ANTXR2: variants seen among roughly 807,000 people sequenced by gnomAD.
ANTXR2 encodes the protein ANTXR cell adhesion molecule 2.
Under a neutral mutation model 73.7 loss-of-function variants are expected in ANTXR2, and 44 were observed. That is an observed-to-expected ratio of 0.60 (90% CI 0.47 to 0.77). ANTXR2 has a LOEUF of 0.77. Among genes scored for constraint, ANTXR2 ranks in the 30% least tolerant of loss-of-function variants. The pLI, the probability that ANTXR2 is intolerant of heterozygous loss-of-function variation, is 0.00. For missense variants in ANTXR2, 604 were observed against 592.5 expected (o/e 1.02, Z -0.20); for synonymous variants, 217 against 205.9 (o/e 1.05, Z -0.46).
chr4:79,973,000 A>C (rs1347459538), intron 16 of ANTXR2, among the ~76,000 whole-genome samples: 1 of 151,982 alleles, frequency 6.6e-6, no homozygotes, highest in Non-Finnish European at 1.5e-5. Context: ...TAACATATAA[A>C]AATGTATAAA....
At chr4:79,957,584 G>A (rs982061867) in intron 16 of ANTXR2, among the ~76,000 whole-genome samples, 3 of 152,132 alleles carry the variant, frequency 2.0e-5, no homozygotes, top group Middle Eastern at 3.4e-3. Flanking sequence ...AAATAATTCA[G>A]TGTGCTCTAT....
At chr4:79,946,399 G>A (rs1728513730) in intron 16 of ANTXR2, among the ~76,000 whole-genome samples, 1 of 152,188 alleles carries the variant, frequency 6.6e-6, no homozygotes, top group African/African-American at 2.4e-5. Flanking sequence ...AATTTGGACT[G>A]TGTCACATTG....
At chr4:80,048,004 A>G (rs1258064066) in intron 7 of ANTXR2, among the ~76,000 whole-genome samples, 1 of 151,834 alleles carries the variant, frequency 6.6e-6, no homozygotes, top group African/African-American at 2.4e-5. Context: ...ATCAGGGGTT[A>G]ATTATCTAAT....
chr4:80,031,569 T>G, intron 10 of ANTXR2, 54 bp downstream of exon 10: 1 of 1,283,098 alleles, frequency 7.8e-7, no homozygotes, highest in Non-Finnish European at 1.0e-6. Context: ...GTCACCATTT[T>G]CTAATAATTT....
At chr4:79,979,261 C>T (rs1322126193) in intron 14 of ANTXR2, among the ~76,000 whole-genome samples, 1 of 152,008 alleles carries the variant, frequency 6.6e-6, no homozygotes, top group Non-Finnish European at 1.5e-5. Flanking sequence ...AGAGCTTGTC[C>T]AACCAGGAGT....
At chr4:80,024,167 G>C (rs147216966) in intron 10 of ANTXR2, among the ~76,000 whole-genome samples, 2 of 152,176 alleles carry the variant, frequency 1.3e-5, no homozygotes, top group East Asian at 3.9e-4. Flanking sequence ...AGGAGGTGAG[G>C]AAGAAGAAAA....
intron 7 of ANTXR2, among the ~76,000 whole-genome samples, chr4:80,041,901 C>T (rs1298586466): frequency 6.6e-6 from 1 of 151,962 alleles, no homozygotes; most frequent in African/African-American, 2.4e-5. Flanking sequence ...CATGCCTTTG[C>T]TATTGTGAAT....
Position 80,007,075 on chromosome 4 carries a change from T to C in ANTXR2, c.1041+1446A>G, listed in dbSNP as rs372371979. ...GCAAAGAGACAGGATGCGTCTTGTCTCTACTGTTATCTGAGTTAATTCTAT... is the reference window on the plus strand; with the variant it reads ...GCAAAGAGACAGGATGCGTCTTGTCCCTACTGTTATCTGAGTTAATTCTAT... On this transcript the variant is annotated intron_variant, in intron 12 of 16. Transcript: ENST00000403729. Among the ~76,000 whole-genome samples the C allele has an allele frequency of 2.7e-4, 41 of 152,032 alleles. No homozygotes were observed. In the East Asian group the frequency reaches 4.6e-3, roughly 17 times the overall value.
chr4:79,992,907 A>T (rs1730539872), intron 12 of ANTXR2, among the ~76,000 whole-genome samples: 2 of 152,132 alleles, frequency 1.3e-5, no homozygotes, highest in South Asian at 4.1e-4. Flanking sequence ...TTACCAAATC[A>T]TTTCCATGCC....
intron 16 of ANTXR2, among the ~76,000 whole-genome samples, chr4:79,911,367 C>T (rs1362343326): frequency 6.6e-6 from 1 of 152,116 alleles, no homozygotes; most frequent in African/African-American, 2.4e-5. Context: ...GAGACTATTT[C>T]ACTTTTATAA....
At chr4:80,039,945 A>T (rs1733156532) in intron 7 of ANTXR2, among the ~76,000 whole-genome samples, 1 of 152,144 alleles carries the variant, frequency 6.6e-6, no homozygotes, top group Non-Finnish European at 1.5e-5. Flanking sequence ...ATAAAAATGA[A>T]TGAAATATTG....
rs775789021 is a variant in ANTXR2 at position 80,072,527 on chromosome 4, C to T, written c.34G>A (p.Gly12Arg). Residue 12 changes from glycine to arginine, a missense_variant, in exon 1 of 17, where the codon GGG (glycine) becomes AGG (arginine). Transcript: ENST00000403729. Reference protein sequence around the residue: ...VAERSPARSPGSWLFPGLWLL... With the variant: ...VAERSPARSPRSWLFPGLWLL... ...CACAGCCCGGGGAACAGCCAGCTCCCGGGGCTGCGGGCCGGGGACCGCTCC... is the reference window on the plus strand; with the variant it reads ...CACAGCCCGGGGAACAGCCAGCTCCTGGGGCTGCGGGCCGGGGACCGCTCC... 4.4e-6 allele frequency: 7 copies of T among 1,593,336 alleles called. No homozygotes were observed. Among genetic ancestry groups the T allele is most frequent in the Non-Finnish European group, 5.1e-6 (6 of 1,171,556 alleles).
chr4:80,048,074 G>C (rs1194717779), intron 7 of ANTXR2, among the ~76,000 whole-genome samples: 1 of 151,320 alleles, frequency 6.6e-6, no homozygotes, highest in African/African-American at 2.4e-5. Flanking sequence ...AACTTGCATA[G>C]ATTTTTATTC....
intron 12 of ANTXR2, among the ~76,000 whole-genome samples, chr4:79,990,578 A>G (rs948279781): frequency 2.6e-5 from 4 of 152,116 alleles, no homozygotes; most frequent in African/African-American, 9.7e-5. Context: ...TACAGATTCA[A>G]TGCTATTTCT....
At chr4:79,994,566 A>T (rs78396558) in intron 12 of ANTXR2, among the ~76,000 whole-genome samples, 12,579 of 115,032 alleles carry the variant, frequency 0.11, 636 homozygotes, top group Middle Eastern at 0.26. Flanking sequence ...TGAGGACATA[A>T]ATAGTATCCC....
chr4:80,035,050 T>C (rs1732891919), intron 8 of ANTXR2, among the ~76,000 whole-genome samples: 1 of 152,130 alleles, frequency 6.6e-6, no homozygotes, highest in Non-Finnish European at 1.5e-5. Context: ...AAACTTTCAA[T>C]AGTGTTGTTA....
intron 10 of ANTXR2, among the ~76,000 whole-genome samples, chr4:80,021,430 C>T (rs1312260889): frequency 6.6e-6 from 1 of 151,958 alleles, no homozygotes; most frequent in East Asian, 1.9e-4. Context: ...GACATGTTGG[C>T]ATGGTTTTAT....
intron 11 of ANTXR2, among the ~76,000 whole-genome samples, chr4:80,016,861 C>T (rs1241819709): frequency 1.3e-5 from 2 of 152,248 alleles, no homozygotes; most frequent in East Asian, 3.8e-4. Context: ...TAAACTTCCC[C>T]TGTAAAATAT....
chr4:79,962,555 A>G (rs919009883), intron 16 of ANTXR2, among the ~76,000 whole-genome samples: 2 of 152,172 alleles, frequency 1.3e-5, no homozygotes, highest in Non-Finnish European at 1.5e-5. Flanking sequence ...TAAAGAAACT[A>G]TAACAAATTT....
Sources: allele counts gnomAD v4.1 joint callset (sites outside exome capture counted in the v4.1 genomes callset), GRCh38; gene constraint gnomAD v4.1.1; transcripts MANE v1.5; gene names NCBI Gene and HGNC (gene_info 2026-07-23, HGNC 2026-07-21).